Variants in CDH13 observed in about 807,000 individuals in gnomAD.
CDH13 encodes the protein cadherin 13, also known as cadherin-13.
In CDH13, 24 loss-of-function variants were observed where a neutral mutation model predicts 63.8. That is an observed-to-expected ratio of 0.38 (90% CI 0.27 to 0.53). CDH13 has a LOEUF of 0.53. CDH13 is among the 20% of genes least tolerant of loss of function. The pLI, the probability that CDH13 is intolerant of heterozygous loss-of-function variation, is 0.85. For synonymous variants in CDH13, 503 were observed against 355.3 expected (o/e 1.42, Z -4.67); for missense variants, 1,049 against 903.1 (o/e 1.16, Z -2.07).
At chr16:82,705,680 C>G (rs2031430153) in intron 1 of CDH13, among the ~76,000 whole-genome samples, 1 of 152,110 alleles carries the variant, frequency 6.6e-6, no homozygotes, top group South Asian at 2.1e-4. Flanking sequence ...AACTAGTCCT[C>G]AAGTTTTGAA....
intron 1 of CDH13, among the ~76,000 whole-genome samples, chr16:82,791,272 G>T (rs1414811186): frequency 1.3e-5 from 2 of 150,850 alleles, no homozygotes; most frequent in African/African-American, 4.9e-5. Context: ...CCTAAGCCTA[G>T]CTGGGGAAGG....
At chr16:82,798,800 C>G (rs57511335) in intron 1 of CDH13, among the ~76,000 whole-genome samples, 6 of 152,054 alleles carry the variant, frequency 3.9e-5, no homozygotes, top group Non-Finnish European at 7.4e-5. Flanking sequence ...TGCAAGATCC[C>G]AGCAAGGGAT....
intron 1 of CDH13, among the ~76,000 whole-genome samples, chr16:82,846,825 A>G (rs2039278241): frequency 6.6e-6 from 1 of 152,236 alleles, no homozygotes. Flanking sequence ...GAACCTGATG[A>G]TGCTGTCATA....
chr16:83,687,531 C>G (rs1326810560), intron 10 of CDH13, among the ~76,000 whole-genome samples: 1 of 152,198 alleles, frequency 6.6e-6, no homozygotes, highest in African/African-American at 2.4e-5. Flanking sequence ...GTTAACTCCC[C>G]TGATCCCATC....
At chr16:83,673,444 C>G (rs976590783) in intron 9 of CDH13, among the ~76,000 whole-genome samples, 10 of 152,160 alleles carry the variant, frequency 6.6e-5, no homozygotes, top group Admixed American at 6.6e-5. Context: ...TACCTGGCAT[C>G]TGGCTCTTAC....
intron 1 of CDH13, among the ~76,000 whole-genome samples, chr16:82,834,707 G>A (rs2038692808): frequency 6.6e-6 from 1 of 152,196 alleles, no homozygotes; most frequent in Non-Finnish European, 1.5e-5. Context: ...TGGCTCCGCA[G>A]AAGTGAGCTT....
intron 2 of CDH13, among the ~76,000 whole-genome samples, chr16:83,019,993 A>G (rs377566639): frequency 1.3e-5 from 2 of 152,168 alleles, no homozygotes; most frequent in Non-Finnish European, 2.9e-5. Flanking sequence ...TTACACCAGC[A>G]TCACCACAAA....
At chr16:83,252,032 A>G (rs1905601687) in intron 5 of CDH13, among the ~76,000 whole-genome samples, 1 of 150,616 alleles carries the variant, frequency 6.6e-6, no homozygotes, top group Non-Finnish European at 1.5e-5. Flanking sequence ...AAGCTCCGAG[A>G]TTATCCCAGC....
chr16:83,436,007 C>T (rs564448812), intron 6 of CDH13, among the ~76,000 whole-genome samples: 4 of 152,260 alleles, frequency 2.6e-5, no homozygotes, highest in Admixed American at 2.6e-4. Context: ...TTGACAATGT[C>T]TGGAGGGTTG....
intron 3 of CDH13, among the ~76,000 whole-genome samples, chr16:83,084,425 C>A (rs1196684303): frequency 6.6e-6 from 1 of 152,168 alleles, no homozygotes; most frequent in Non-Finnish European, 1.5e-5. Context: ...TGTGTGACCT[C>A]CTATTGTCAG....
rs951370404 is a variant in CDH13, at chr16:83,125,033, T to C, written c.367-352T>C. On this transcript the variant is annotated intron_variant, in intron 3 of 13. Transcript: ENST00000567109. ...TGGCTGTAAATCAAATAAAATTTTA[T>C]ATCTAAGCAAGTCCTCCAGATTCCT... Among the ~76,000 whole-genome samples the C allele has an allele frequency of 3.9e-5, 6 of 152,232 alleles. No individual in the cohort carries two copies. The South Asian group carries it at 8.3e-4, about 21-fold the overall frequency.
Position 83,783,610 on chromosome 16 carries a change from T to C in CDH13, c.2134+138T>C, listed in dbSNP as rs116945102. The C allele has an allele frequency of 8.2e-3, 6,131 of 745,720 alleles. 39 individuals carry two copies. The highest frequency in any genetic ancestry group is 0.011 in the Non-Finnish European group (4,828 of 424,564). 46.2% of individuals were successfully genotyped at this position (745,720 alleles called of 1,614,324 possible). Reference sequence around the variant, plus strand: ...CATTCATCTTTAGTGTATGTCTGTATGATAGAACATGTTATATGTAAAAGT... The same window carrying C: ...CATTCATCTTTAGTGTATGTCTGTACGATAGAACATGTTATATGTAAAAGT... On this transcript the variant is annotated intron_variant, in intron 13 of 13. Coordinates refer to ENST00000567109, the MANE Select transcript of CDH13 (RefSeq NM_001257.5).
intron 1 of CDH13, among the ~76,000 whole-genome samples, chr16:82,836,229 A>G (rs1462897418): frequency 1.3e-5 from 2 of 151,864 alleles, no homozygotes; most frequent in Admixed American, 6.6e-5. Flanking sequence ...GCTCACTGCA[A>G]CCTCCACCTC....
At chr16:83,728,165 C>T (rs746894173) in intron 10 of CDH13, among the ~76,000 whole-genome samples, 30 of 152,254 alleles carry the variant, frequency 2.0e-4, no homozygotes, top group South Asian at 1.0e-3. Context: ...CCACACACCA[C>T]GTCTCTGTCT....
At chr16:82,876,535 T>C (rs2040510149) in intron 2 of CDH13, among the ~76,000 whole-genome samples, 1 of 152,164 alleles carries the variant, frequency 6.6e-6, no homozygotes, top group African/African-American at 2.4e-5. Flanking sequence ...AAAAAATAGA[T>C]GGAACAGGTA....
intron 7 of CDH13, among the ~76,000 whole-genome samples, chr16:83,505,055 A>G (rs2074364851): frequency 6.6e-6 from 1 of 152,162 alleles, no homozygotes; most frequent in Admixed American, 6.5e-5. Context: ...CAGCTGTGGC[A>G]CCACCTCTGT....
intron 5 of CDH13, among the ~76,000 whole-genome samples, chr16:83,254,949 C>CTTTTTCTTTCTT (rs1358807734): frequency 0.011 from 75 of 6,746 alleles, 2 homozygotes; most frequent in African/African-American, 0.012. Context: ...TTTTCTTTTT[C>CTTTTTCTTTCTT]TCTTTCTTTC....
intron 7 of CDH13, among the ~76,000 whole-genome samples, chr16:83,504,245 C>G (rs2074347754): frequency 6.6e-6 from 1 of 152,170 alleles, no homozygotes; most frequent in Non-Finnish European, 1.5e-5. Context: ...TGGTGAAGCA[C>G]AGGGCACTAG....
intron 1 of CDH13, among the ~76,000 whole-genome samples, chr16:82,695,399 A>C (rs2030151852): frequency 6.6e-6 from 1 of 152,188 alleles, no homozygotes; most frequent in Admixed American, 6.5e-5. Flanking sequence ...AATTCTTTTT[A>C]ACTCTACTTC....
Sources: allele counts gnomAD v4.1 joint callset (sites outside exome capture counted in the v4.1 genomes callset), GRCh38; gene constraint gnomAD v4.1.1; transcripts MANE v1.5; gene names NCBI Gene and HGNC (gene_info 2026-07-23, HGNC 2026-07-21).